Variants in PPP1R9A observed in about 807,000 individuals in gnomAD.
PPP1R9A encodes protein phosphatase 1 regulatory subunit 9A.
PPP1R9A carries 59 observed loss-of-function variants against 141.9 expected under a neutral mutation model. The ratio of observed to expected loss-of-function variants is 0.42; its 90% CI spans 0.34 to 0.52. PPP1R9A has a LOEUF of 0.52. Among genes scored for constraint, PPP1R9A ranks in the 20% least tolerant of loss-of-function variants. PPP1R9A has a pLI of 0.10. For missense variants in PPP1R9A, 1,444 were observed against 1,611.9 expected (o/e 0.90, Z 1.78); for synonymous variants, 500 against 569.7 (o/e 0.88, Z 1.74).
chr7:95,108,099 C>G (rs1452391550), intron 2 of PPP1R9A, among the ~76,000 whole-genome samples: 1 of 151,838 alleles, frequency 6.6e-6, no homozygotes, highest in African/African-American at 2.4e-5. Flanking sequence ...CTTATTAGTT[C>G]TAATACTTTT....
At chr7:94,944,361 A>T (rs1376997316) in intron 2 of PPP1R9A, among the ~76,000 whole-genome samples, 1 of 152,026 alleles carries the variant, frequency 6.6e-6, no homozygotes, top group African/African-American at 2.4e-5. Flanking sequence ...GCTGGAGTTT[A>T]TCACCAGTAG....
intron 2 of PPP1R9A, among the ~76,000 whole-genome samples, chr7:95,010,450 C>G (rs1342666184): frequency 1.3e-5 from 2 of 152,036 alleles, no homozygotes; most frequent in Admixed American, 1.3e-4. Flanking sequence ...TAAATGCAGT[C>G]TGATTTCGGA....
chr7:95,080,724 C>T lies in PPP1R9A; in HGVS notation c.1396-30535C>T, dbSNP rs553162845. Among the ~76,000 whole-genome samples, 3 of 152,214 alleles carry T rather than the reference C, an allele frequency of 2.0e-5. No individual in the cohort carries two copies. In the East Asian group the frequency reaches 5.8e-4, roughly 29 times the overall value. On this transcript the variant is annotated intron_variant, in intron 2 of 19. Coordinates refer to ENST00000433360, the MANE Select transcript of PPP1R9A (RefSeq NM_001166160.2). ...TCTGTTTTTAGAGCTTCTCATGTGT[C>T]CGCTGTTTCTCAAAATAATCAATAT...
chr7:95,185,378 A>ATTT (rs147366122), intron 5 of PPP1R9A, among the ~76,000 whole-genome samples: 2 of 148,816 alleles, frequency 1.3e-5, no homozygotes, highest in African/African-American at 2.5e-5. Context: ...TTTTTATGGG[A>ATTT]TTTTTTTTTT....
chr7:95,280,603 A>G (rs1338521030), intron 16 of PPP1R9A, among the ~76,000 whole-genome samples: 1 of 152,216 alleles, frequency 6.6e-6, no homozygotes, highest in Non-Finnish European at 1.5e-5. Context: ...ATTTGAAGCC[A>G]TTCTTTCTCC....
chr7:94,983,712 A>G (rs1800427003), intron 2 of PPP1R9A, among the ~76,000 whole-genome samples: 2 of 152,300 alleles, frequency 1.3e-5, no homozygotes, highest in East Asian at 3.9e-4. Context: ...GTTGCTTATC[A>G]GCCTAAGGAG....
intron 4 of PPP1R9A, among the ~76,000 whole-genome samples, chr7:95,133,568 G>A (rs1024983821): frequency 3.5e-5 from 5 of 142,530 alleles, no homozygotes; most frequent in South Asian, 2.2e-4. Flanking sequence ...ATTGTTTTAC[G>A]AGTATGTTGT....
chr7:95,238,121 C>T (rs1357218321), intron 8 of PPP1R9A, among the ~76,000 whole-genome samples: 33 of 152,134 alleles, frequency 2.2e-4, no homozygotes, highest in Admixed American at 2.2e-3. Context: ...GCATACCATC[C>T]TCTACCTCTC....
intron 5 of PPP1R9A, among the ~76,000 whole-genome samples, chr7:95,182,972 A>G (rs1170308839): frequency 2.0e-5 from 3 of 152,212 alleles, no homozygotes; most frequent in Non-Finnish European, 4.4e-5. Context: ...AAGGCTAACT[A>G]CTAAGCAGAG....
intron 4 of PPP1R9A, among the ~76,000 whole-genome samples, chr7:95,144,081 A>T (rs559377173): frequency 1.9e-4 from 29 of 152,134 alleles, no homozygotes; most frequent in Non-Finnish European, 2.9e-4. Context: ...ACTATGCTAT[A>T]CATTTGGTCT....
At chr7:95,219,831 A>G (rs1794143354) in intron 7 of PPP1R9A, among the ~76,000 whole-genome samples, 1 of 152,136 alleles carries the variant, frequency 6.6e-6, no homozygotes, top group Non-Finnish European at 1.5e-5. Flanking sequence ...CTGTTATGCA[A>G]CTGGGACATT....
intron 2 of PPP1R9A, among the ~76,000 whole-genome samples, chr7:94,940,969 C>T (rs1417373158): frequency 6.6e-6 from 1 of 151,988 alleles, no homozygotes; most frequent in African/African-American, 2.4e-5. Context: ...CCCCTTTAGG[C>T]AACAACAAAA....
chr7:95,210,265 T>TA (rs1329312977), intron 7 of PPP1R9A, among the ~76,000 whole-genome samples: 1 of 152,110 alleles, frequency 6.6e-6, no homozygotes, highest in Non-Finnish European at 1.5e-5. Context: ...ATATGTATGA[T>TA]AAAAAATTTA....
intron 2 of PPP1R9A, among the ~76,000 whole-genome samples, chr7:94,916,632 T>C (rs1363135854): frequency 1.3e-5 from 2 of 152,194 alleles, no homozygotes; most frequent in African/African-American, 4.8e-5. Context: ...TCCTAGGCTC[T>C]TTGTGTGGTT....
At chr7:94,953,460 A>G (rs1796706133) in intron 2 of PPP1R9A, among the ~76,000 whole-genome samples, 1 of 152,146 alleles carries the variant, frequency 6.6e-6, no homozygotes, top group Non-Finnish European at 1.5e-5. Flanking sequence ...TTGCTTCCAT[A>G]TGAAACTTAA....
At chr7:95,149,310 A>G (rs73431016) in intron 4 of PPP1R9A, among the ~76,000 whole-genome samples, 13,302 of 152,172 alleles carry the variant, frequency 0.087, 1,643 homozygotes, top group African/African-American at 0.27. Flanking sequence ...TGAGAAACTA[A>G]AAAACTTTCC....
At chr7:95,044,490 T>G (rs1269732170) in intron 2 of PPP1R9A, among the ~76,000 whole-genome samples, 2 of 151,790 alleles carry the variant, frequency 1.3e-5, no homozygotes, top group Admixed American at 1.3e-4. Context: ...GAAAATGTCT[T>G]GAAAAGTAAG....
At chr7:95,007,982 G>C (rs937234238) in intron 2 of PPP1R9A, among the ~76,000 whole-genome samples, 2 of 152,164 alleles carry the variant, frequency 1.3e-5, no homozygotes, top group African/African-American at 2.4e-5. Flanking sequence ...TGAGGCATGA[G>C]AATTACTTGA....
chr7:95,034,659 T>C (rs1032797427), intron 2 of PPP1R9A, among the ~76,000 whole-genome samples: 1 of 152,184 alleles, frequency 6.6e-6, no homozygotes, highest in Non-Finnish European at 1.5e-5. Flanking sequence ...GGTCGTATTT[T>C]GTCCTTTGAA....
Sources: gnomAD v4.1 joint callset for allele counts (sites outside exome capture counted in the v4.1 genomes callset) on GRCh38, gnomAD v4.1.1 for gene constraint, MANE v1.5 for transcripts, NCBI Gene and HGNC (gene_info 2026-07-23, HGNC 2026-07-21) for gene names.